Variants in DUSP13A observed in about 807,000 individuals in gnomAD.
DUSP13A encodes the protein dual specificity protein phosphatase 13A.
chr10:75,108,161 G>T, the DUSP13A span: 1 of 1,612,590 alleles, frequency 6.2e-7, no homozygotes, highest in Non-Finnish European at 8.5e-7. Flanking sequence ...CGTTCAGCAC[G>T]TGGGTGATGC....
the DUSP13A span, among the ~76,000 whole-genome samples, chr10:75,106,407 G>GTTT: frequency 6.6e-6 from 1 of 151,916 alleles, no homozygotes; most frequent in East Asian, 1.9e-4. Context: ...CCTGCAAATT[G>GTTT]TTTCCCCTGG....
the DUSP13A span, chr10:75,105,720 C>T: frequency 6.4e-7 from 1 of 1,554,024 alleles, no homozygotes; most frequent in Non-Finnish European, 8.7e-7. Flanking sequence ...AGAGCTGGTG[C>T]AGGAAGCCTC....
chr10:75,108,028 C>A, the DUSP13A span: 8 of 1,613,404 alleles, frequency 5.0e-6, no homozygotes, highest in Non-Finnish European at 6.8e-6. Flanking sequence ...ATGAAGTCAG[C>A]CGCAGAGGAG....
At chr10:75,108,329 A>C in the DUSP13A span, 1 of 1,455,514 alleles carries the variant, frequency 6.9e-7, no homozygotes, top group Non-Finnish European at 9.0e-7. Flanking sequence ...GTCCAACCCC[A>C]GCAAGCTCCA....
At chr10:75,108,542 C>T in the DUSP13A span, among the ~76,000 whole-genome samples, 1 of 152,294 alleles carries the variant, frequency 6.6e-6, no homozygotes, top group Admixed American at 6.5e-5. Flanking sequence ...TCCTCCCACG[C>T]ATATCCGTCC....
At chr10:75,105,730 C>A in the DUSP13A span, 2 of 1,554,536 alleles carry the variant, frequency 1.3e-6, no homozygotes, top group African/African-American at 1.4e-5. Context: ...CAGGAAGCCT[C>A]GGTTGGGGAA....
chr10:75,107,814 C>T, the DUSP13A span, among the ~76,000 whole-genome samples: 31 of 152,194 alleles, frequency 2.0e-4, no homozygotes, highest in South Asian at 6.4e-3. Flanking sequence ...TGACCTCAGG[C>T]GATCCACCCA....
the DUSP13A span, chr10:75,105,924 C>T: frequency 1.3e-6 from 2 of 1,506,356 alleles, no homozygotes; most frequent in Non-Finnish European, 1.8e-6. Flanking sequence ...CACCCACGGG[C>T]TGGGATGGGG....
At chr10:75,105,734 T>A in the DUSP13A span, 1 of 1,554,718 alleles carries the variant, frequency 6.4e-7, no homozygotes, top group Non-Finnish European at 8.7e-7. Flanking sequence ...AAGCCTCGGT[T>A]GGGGAAGACC....
the DUSP13A span, chr10:75,105,941 G>T: frequency 7.0e-7 from 1 of 1,422,666 alleles, no homozygotes; most frequent in African/African-American, 1.4e-5. Flanking sequence ...GGGGACCCAA[G>T]TTCCTTTCCT....
the DUSP13A span, chr10:75,108,033 G>C: frequency 1.2e-6 from 2 of 1,613,662 alleles, no homozygotes; most frequent in African/African-American, 1.3e-5. Context: ...GTCAGCCGCA[G>C]AGGAGAAGTA....
the DUSP13A span, chr10:75,105,744 C>T: frequency 6.4e-7 from 1 of 1,554,418 alleles, no homozygotes; most frequent in Non-Finnish European, 8.7e-7. Flanking sequence ...TGGGGAAGAC[C>T]CATCGGTGCT....
At chr10:75,105,924 C>G in the DUSP13A span, 4 of 1,506,356 alleles carry the variant, frequency 2.7e-6, no homozygotes, top group South Asian at 4.9e-5. Flanking sequence ...CACCCACGGG[C>G]TGGGATGGGG....
the DUSP13A span, among the ~76,000 whole-genome samples, chr10:75,106,662 A>G: frequency 6.6e-6 from 1 of 152,152 alleles, no homozygotes; most frequent in East Asian, 1.9e-4. Flanking sequence ...AGTAGCTCTC[A>G]CTATACTATT....
the DUSP13A span, among the ~76,000 whole-genome samples, chr10:75,108,670 G>T: frequency 7.2e-5 from 11 of 152,196 alleles, no homozygotes; most frequent in Non-Finnish European, 1.3e-4. Flanking sequence ...GGGAGGCTGG[G>T]CCCAGAAACA....
the DUSP13A span, among the ~76,000 whole-genome samples, chr10:75,107,336 C>T: frequency 1.3e-5 from 2 of 148,974 alleles, no homozygotes; most frequent in African/African-American, 5.0e-5. Flanking sequence ...AGCACTGAGA[C>T]TCTGTCTCAG....
the DUSP13A span, among the ~76,000 whole-genome samples, chr10:75,108,748 A>G: frequency 6.6e-6 from 1 of 151,972 alleles, no homozygotes; most frequent in Non-Finnish European, 1.5e-5. Context: ...TCTACACTTG[A>G]CAGTTGTCCT....
the DUSP13A span, chr10:75,109,156 A>C: frequency 6.3e-7 from 1 of 1,582,536 alleles, no homozygotes; most frequent in Non-Finnish European, 8.6e-7. Flanking sequence ...GGTCTCAGCC[A>C]TGGGCCAGCC....
At chr10:75,108,402 GGT>G in the DUSP13A span, 7 of 1,025,492 alleles carry the variant, frequency 6.8e-6, no homozygotes, top group African/African-American at 1.6e-5. Flanking sequence ...CTGAGCCGGC[GGT>G]GTGTGTGTCG....
Sources: allele counts gnomAD v4.1 joint callset (sites outside exome capture counted in the v4.1 genomes callset), GRCh38; gene constraint gnomAD v4.1.1; transcripts MANE v1.5; gene names NCBI Gene and HGNC (gene_info 2026-07-23, HGNC 2026-07-21).